The following RBCK1 variants were observed in gnomAD, a reference collection of about 807,000 sequenced individuals.
RBCK1 encodes RANBP2-type and C3HC4-type zinc finger containing 1, also known as ranBP-type and C3HC4-type zinc finger-containing protein 1.
In RBCK1, 44 loss-of-function variants were observed where a neutral mutation model predicts 71.1. The observed-to-expected ratio is 0.62, with a 90% CI of 0.49 to 0.80. The LOEUF (loss-of-function observed/expected upper bound fraction) is 0.80, where lower values mean the gene tolerates loss of function less well. Ranked by LOEUF, RBCK1 falls within the 30% of genes least tolerant of loss-of-function variation. RBCK1 has a pLI of 0.00. For synonymous variants in RBCK1, 306 were observed against 279.7 expected, an observed-to-expected ratio of 1.09 and a Z score of -0.94; for missense variants, 569 against 685.0, an observed-to-expected ratio of 0.83 and a Z score of 1.89.
Position 417,977 on chromosome 20 carries a change from C to A in RBCK1, c.460+47C>A. 6.4e-7 allele frequency: 1 copy of A among 1,562,442 alleles called. No homozygotes were observed. On this transcript the variant is annotated intron_variant, in intron 4 of 11. Transcript: ENST00000356286. This position sits in a 1 kb window ranked among gnomAD's most constrained non-coding sequence, Gnocchi z 4.7. ...CGCCGGACCCAGCGGGGGCCCTGGA[C>A]TCACTTGAGGGCATAGGGCAAGCAG... is the stretch of plus-strand genomic sequence containing the variant.
chr20:418,375 C>CT (rs563108799), intron 4 of RBCK1, among the ~76,000 whole-genome samples: 2,730 of 148,088 alleles, frequency 0.018, 43 homozygotes, highest in Middle Eastern at 0.064. Context: ...CATGTGCTTT[C>CT]TTTTTTTTTT....
rs1194114041 is a variant in RBCK1 at position 417,072 on chromosome 20, C to T, written c.168-454C>T. 6 of 398,930 alleles carry T rather than the reference C, an allele frequency of 1.5e-5. No homozygotes were observed. The highest frequency in any genetic ancestry group is 8.3e-5 in the African/African-American group (4 of 48,148). 24.7% of individuals were successfully genotyped at this position (398,930 alleles called of 1,614,324 possible). A position where few individuals can be genotyped will look rare whatever the true frequency, so the allele number is the denominator to read the frequency against. ...GTTTGGCAGAGTCACTGGAACCTAT[C>T]TGTGCCTCACATTTTTATCTGTAAA... On this transcript the variant is annotated intron_variant, in intron 2 of 11. Transcript: ENST00000356286. This position sits in a 1 kb window ranked among gnomAD's most constrained non-coding sequence, Gnocchi z 4.7.
rs1238777389 is a variant in RBCK1, at chr20:432,059, A to C, written c.*1629A>C. On this transcript the variant is annotated 3_prime_UTR_variant, in exon 12 of 12. Transcript: ENST00000356286. The surrounding 1 kb of genome is among the most constrained non-coding windows in gnomAD (Gnocchi z 4.3). Reference sequence around the variant, plus strand: ...CAGTCCACCCAGTGTTGTTTTAGAAATTTAAATCGGTTGCCCATCTTTTTA... The same window carrying C: ...CAGTCCACCCAGTGTTGTTTTAGAACTTTAAATCGGTTGCCCATCTTTTTA... Among the ~76,000 whole-genome samples the C allele has an allele frequency of 1.3e-5, 2 of 152,214 alleles. No individual in the cohort carries two copies. Among genetic ancestry groups the C allele is most frequent in the Non-Finnish European group, 2.9e-5 (2 of 68,036 alleles).
chr20:410,529 A>C (rs1332630726), intron 2 of RBCK1: 2 of 779,750 alleles, frequency 2.6e-6, no homozygotes. Flanking sequence ...AATTGTACAC[A>C]CTTCTTCCGT....
At chr20:414,366 C>G (rs2015877038) in intron 2 of RBCK1, among the ~76,000 whole-genome samples, 1 of 152,194 alleles carries the variant, frequency 6.6e-6, no homozygotes, top group South Asian at 2.1e-4. Flanking sequence ...GAGCCATGAT[C>G]ATGCCTGAGT....
chr20:419,376 C>A lies in RBCK1; in HGVS notation c.490C>A (p.Pro164Thr). ...DLGFKDLTLQPRGPLEPGPPK... is the reference protein window; with the variant it reads ...DLGFKDLTLQTRGPLEPGPPK... ...GGGCTTCAAGGACCTCACGCTGCAG[C>A]CGCGGGGCCCTCTGGAGCCAGGCCC... Residue 164 changes from proline (P) to threonine (T), a missense_variant, in exon 5 of 12, where the codon CCG (proline) becomes ACG (threonine). Physicochemically the swap from Pro to Thr is conservative, Grantham distance 38. Transcript: ENST00000356286. The A allele has an allele frequency of 6.2e-7, 1 of 1,612,428 alleles. No individual in the cohort carries two copies. Among genetic ancestry groups the A allele is most frequent in the Non-Finnish European group, 8.5e-7 (1 of 1,179,772 alleles).
intron 6 of RBCK1, 43 bp downstream of exon 6, chr20:419,774 GGGGAGGTGTAGGCCAGGAA>G (rs1216174274): frequency 2.0e-6 from 3 of 1,518,228 alleles, no homozygotes. Context: ...AGACCGCACG[GGGGAGGTGTAGGCCAGGAA>G]GGGAGACACC....
At position 415,571 on chromosome 20, in the gene RBCK1, C is replaced by T. The variant is rs534214607; in HGVS notation, c.168-1955C>T. The stretch of plus-strand genomic sequence containing the variant: ...CTTACTATGTCTTAAGTCCCTTTTA[C>T]TCTCCTCTATTTTTATGCCACTAGT... On this transcript the variant is annotated intron_variant, in intron 2 of 11. Coordinates refer to ENST00000356286, the MANE Select transcript of RBCK1 (RefSeq NM_031229.4). 9.3e-4 allele frequency among the ~76,000 whole-genome samples: 142 copies of T among 152,108 alleles called. No homozygotes were observed. The Middle Eastern group carries it at 0.024, about 26-fold the overall frequency.
intron 8 of RBCK1, among the ~76,000 whole-genome samples, chr20:423,828 C>G (rs370699351): frequency 6.6e-6 from 1 of 152,026 alleles, no homozygotes; most frequent in Non-Finnish European, 1.5e-5. Context: ...GTGGGTCAGC[C>G]GCGGTGGCCT....
intron 1 of RBCK1, 33 bp from the exon 2 acceptor site, chr20:409,848 G>C (rs929215521): frequency 3.1e-6 from 5 of 1,604,394 alleles, no homozygotes; most frequent in Non-Finnish European, 4.3e-6. Context: ...AATAAACCCT[G>C]TGCTAACTGG....
In RBCK1 at chr20:422,271, TC is replaced by T. The variant is rs762983816; in HGVS notation, c.1029+36del. The T allele has an allele frequency of 1.1e-5, 17 of 1,575,634 alleles. No homozygotes were observed. The East Asian group carries it at 3.4e-4, about 31-fold the overall frequency. On this transcript the variant is annotated intron_variant, in intron 8 of 11. Transcript: ENST00000356286. The surrounding 1 kb of genome is among the most constrained non-coding windows in gnomAD (Gnocchi z 5.0). ...CTCAGGGTGGGAGACATACCCCAAGTCCCAACTCCTAAGGAACTGGGCCCTG... is the reference window on the plus strand; with the variant it reads ...CTCAGGGTGGGAGACATACCCCAAGTCCAACTCCTAAGGAACTGGGCCCTG...
At chr20:410,348 T>G in intron 2 of RBCK1, 1 of 753,208 alleles carries the variant, frequency 1.3e-6, no homozygotes. Context: ...ATAGGGAGGT[T>G]CTGCTCCCGA....
Position 427,305 on chromosome 20 carries a change from G to T in RBCK1, c.1030-8G>T, listed in dbSNP as rs1483906677. ...ATCCTGAGCAGCAAGGACATGGTGT[G>T]TTGGCAGCTCCTGACCCCTGAGGAT... is the stretch of plus-strand genomic sequence containing the variant. On this transcript the variant is annotated splice_polypyrimidine_tract_variant and splice_region_variant and intron_variant, in intron 8 of 11. Transcript: ENST00000356286. The T allele has an allele frequency of 1.9e-6, 3 of 1,613,506 alleles. No individual in the cohort carries two copies. The African/African-American group carries it at 4.0e-5, about 22-fold the overall frequency.
rs67707964 is a variant in RBCK1 at position 417,395 on chromosome 20, TTGTGTGTGTG to T, written c.168-112_168-103del. ...GGTGGGGCCTACCCCAGACTGGGGT[TTGTGTGTGTG>T]TGTGTGTGTGTGTGTGTGCATGGCC... On this transcript the variant is annotated intron_variant, in intron 2 of 11. Transcript: ENST00000356286. This position sits in a 1 kb window ranked among gnomAD's most constrained non-coding sequence, Gnocchi z 4.7. 4,145 of 765,760 alleles carry T rather than the reference TTGTGTGTGTG, an allele frequency of 5.4e-3. 109 individuals carry two copies. The African/African-American group carries it at 0.064, about 12-fold the overall frequency. The allele number at this position is 765,760 out of a possible 1,614,324, so 47.4% of individuals were successfully genotyped here.
At chr20:429,160 G>A in intron 11 of RBCK1, 66 bp downstream of exon 11, 2 of 1,542,720 alleles carry the variant, frequency 1.3e-6, no homozygotes, top group Non-Finnish European at 8.7e-7. Context: ...AGGAGGGCTG[G>A]GAAAACTACA....
chr20:430,651 C>A lies in RBCK1; in HGVS notation c.*221C>A. On this transcript the variant is annotated 3_prime_UTR_variant, in exon 12 of 12. Coordinates refer to ENST00000356286, the MANE Select transcript of RBCK1 (RefSeq NM_031229.4). The surrounding 1 kb of genome is among the most constrained non-coding windows in gnomAD (Gnocchi z 5.6). ...CTGCGGCTCCCACCTCTGCCTGACC[C>A]CAGCCTTAAACATAGCCCCTGGCCA... 1 of 590,218 alleles carries A rather than the reference C, an allele frequency of 1.7e-6. No individual in the cohort carries two copies. Among genetic ancestry groups the A allele is most frequent in the Non-Finnish European group, 3.0e-6 (1 of 330,326 alleles). 36.6% of individuals were successfully genotyped at this position (590,218 alleles called of 1,614,324 possible).
intron 2 of RBCK1, among the ~76,000 whole-genome samples, chr20:413,461 G>T (rs906564213): frequency 6.6e-6 from 1 of 152,184 alleles, no homozygotes; most frequent in Non-Finnish European, 1.5e-5. Flanking sequence ...TATGAAAAAT[G>T]AGGAAGTTAA....
Position 422,916 on chromosome 20 carries a change from T to TA in RBCK1, c.1029+679dup, listed in dbSNP as rs141359971. 0.024 allele frequency among the ~76,000 whole-genome samples: 3,650 copies of TA among 152,314 alleles called. 157 individuals are homozygous for TA. Among genetic ancestry groups the TA allele is most frequent in the African/African-American group, 0.083 (3,442 of 41,556 alleles). On this transcript the variant is annotated intron_variant, in intron 8 of 11. Coordinates refer to ENST00000356286, the MANE Select transcript of RBCK1 (RefSeq NM_031229.4). The surrounding 1 kb of genome is among the most constrained non-coding windows in gnomAD (Gnocchi z 5.0). Reference sequence around the variant, plus strand: ...CCACAAGTCAGATATTTAACCTCTCTATGCCTCTATCTCATCTCTGTTAGA... The same window carrying TA: ...CCACAAGTCAGATATTTAACCTCTCTAATGCCTCTATCTCATCTCTGTTAGA...
intron 4 of RBCK1, among the ~76,000 whole-genome samples, chr20:418,402 T>C (rs144891082): frequency 1.2e-4 from 18 of 152,282 alleles, no homozygotes; most frequent in African/African-American, 3.4e-4. Context: ...GGAGTCTCGC[T>C]CTGTCGCCCA....
Sources: allele counts gnomAD v4.1 joint callset (sites outside exome capture counted in the v4.1 genomes callset), GRCh38; gene constraint gnomAD v4.1.1; non-coding constraint Gnocchi (gnomAD v3.1); transcripts MANE v1.5; gene names NCBI Gene and HGNC (gene_info 2026-07-23, HGNC 2026-07-21).